SELENOI: variants seen among roughly 807,000 people sequenced by gnomAD.
SELENOI encodes selenoprotein I, also known as ethanolaminephosphotransferase 1.
SELENOI carries 24 observed loss-of-function variants against 50.7 expected under a neutral mutation model. That is an observed-to-expected ratio of 0.47 (90% CI 0.34 to 0.67). The LOEUF is 0.67. Among genes scored for constraint, SELENOI ranks in the 30% least tolerant of loss-of-function variants. SELENOI has a pLI of 0.01. For missense variants in SELENOI, 352 were observed against 461.4 expected (o/e 0.76, Z 2.17); for synonymous variants, 155 against 170.2 (o/e 0.91, Z 0.70).
intron 1 of SELENOI, among the ~76,000 whole-genome samples, chr2:26,354,547 C>T (rs920974487): frequency 6.6e-6 from 1 of 151,494 alleles, no homozygotes; most frequent in Non-Finnish European, 1.5e-5. Context: ...CCACCACGCC[C>T]GGCTAATTTT....
At chr2:26,365,604 T>G (rs1324771413) in intron 3 of SELENOI, among the ~76,000 whole-genome samples, 1 of 152,146 alleles carries the variant, frequency 6.6e-6, no homozygotes, top group Non-Finnish European at 1.5e-5. Flanking sequence ...AAGTTGGAGA[T>G]AGATGGGCAT....
chr2:26,392,770 T>C lies in SELENOI; in HGVS notation c.*3667T>C, dbSNP rs1156579345. 1 of 152,258 alleles carries C rather than the reference T, an allele frequency of 6.6e-6. No homozygotes were observed. Among genetic ancestry groups the C allele is most frequent in the East Asian group, 1.9e-4 (1 of 5,198 alleles). 9.4% of individuals were successfully genotyped at this position (152,258 alleles called of 1,614,324 possible). On this transcript the variant is annotated 3_prime_UTR_variant, in exon 10 of 10. Coordinates refer to ENST00000260585, the MANE Select transcript of SELENOI (RefSeq NM_033505.4). Reference sequence around the variant, plus strand: ...TGCCTGTGTTCAGAGTGGCCTTATCTTGACCTCAGTTCTGGATTTAAGTAC... The same window carrying C: ...TGCCTGTGTTCAGAGTGGCCTTATCCTGACCTCAGTTCTGGATTTAAGTAC...
chr2:26,381,198 C>CTTTTTTTTT lies in SELENOI; in HGVS notation c.683-2078_683-2070dup, dbSNP rs57102834. Among the ~76,000 whole-genome samples the CTTTTTTTTT allele has an allele frequency of 1.3e-3, 40 of 30,198 alleles. 3 individuals are homozygous for CTTTTTTTTT. Among genetic ancestry groups the CTTTTTTTTT allele is most frequent in the Admixed American group, 2.5e-3 (4 of 1,616 alleles). The allele number at this position is 30,198 out of a possible 152,430, so 19.8% of individuals were successfully genotyped here. On this transcript the variant is annotated intron_variant, in intron 6 of 9. Transcript: ENST00000260585. ...TGGATTGTATCTCCTTCAGTTTGGT[C>CTTTTTTTTT]TTTTTTTTTTTTTTTTTTTTTTTTT...
chr2:26,349,767 G>A (rs1676913964), intron 1 of SELENOI, among the ~76,000 whole-genome samples: 1 of 124,980 alleles, frequency 8.0e-6, no homozygotes, highest in South Asian at 2.8e-4. Flanking sequence ...GTATCATTTT[G>A]CCTAAGGGAG....
chr2:26,384,855 A>C (rs537047040), intron 7 of SELENOI, 104 bp from the exon 8 acceptor site: 2 of 721,128 alleles, frequency 2.8e-6, no homozygotes, highest in African/African-American at 1.8e-5. Flanking sequence ...GATTATTGTG[A>C]GTATAAAATA....
At chr2:26,371,125 C>A (rs1173436936) in intron 4 of SELENOI, among the ~76,000 whole-genome samples, 39 of 148,876 alleles carry the variant, frequency 2.6e-4, no homozygotes, top group Admixed American at 4.6e-4. Context: ...CACCTCCCTC[C>A]CGGACGGGGC....
At chr2:26,355,888 A>T (rs1242281146) in intron 1 of SELENOI, among the ~76,000 whole-genome samples, 1 of 151,394 alleles carries the variant, frequency 6.6e-6, no homozygotes, top group Non-Finnish European at 1.5e-5. Context: ...CTACAGTCAT[A>T]CGCCACCACA....
chr2:26,383,965 C>T (rs1677784669), intron 7 of SELENOI, among the ~76,000 whole-genome samples: 1 of 152,158 alleles, frequency 6.6e-6, no homozygotes. Context: ...TTAAATAGCC[C>T]TTATATAGAA....
chr2:26,388,641 G>A (rs1399832762), intron 9 of SELENOI, among the ~76,000 whole-genome samples: 1 of 152,108 alleles, frequency 6.6e-6, no homozygotes, highest in Non-Finnish European at 1.5e-5. Context: ...TCGGGATTAG[G>A]AATGATTACT....
intron 1 of SELENOI, among the ~76,000 whole-genome samples, chr2:26,357,730 G>A (rs1677093411): frequency 6.6e-6 from 1 of 152,146 alleles, no homozygotes; most frequent in African/African-American, 2.4e-5. Flanking sequence ...TCCCTTTGTA[G>A]TATTTATCAC....
At chr2:26,356,342 C>T (rs1412543196) in intron 1 of SELENOI, among the ~76,000 whole-genome samples, 1 of 152,072 alleles carries the variant, frequency 6.6e-6, no homozygotes, top group African/African-American at 2.4e-5. Context: ...TAGAGCATTA[C>T]TTGGGGCAGT....
At chr2:26,385,279 C>T (rs1055999942) in intron 8 of SELENOI, 140 bp downstream of exon 8, 9 of 538,620 alleles carry the variant, frequency 1.7e-5, no homozygotes, top group Non-Finnish European at 2.3e-5. Context: ...AGAATAGTAA[C>T]CTCAAAGACT....
At chr2:26,355,255 A>C (rs1333833228) in intron 1 of SELENOI, among the ~76,000 whole-genome samples, 1 of 152,248 alleles carries the variant, frequency 6.6e-6, no homozygotes, top group East Asian at 1.9e-4. Context: ...AACTATTTTC[A>C]GATAGGAAGT....
chr2:26,388,393 T>C (rs1677892789), intron 9 of SELENOI, among the ~76,000 whole-genome samples: 1 of 152,220 alleles, frequency 6.6e-6, no homozygotes, highest in Non-Finnish European at 1.5e-5. Flanking sequence ...GAAAACAATT[T>C]AGGATCATCT....
At chr2:26,350,547 C>T (rs1247021827) in intron 1 of SELENOI, among the ~76,000 whole-genome samples, 1 of 152,156 alleles carries the variant, frequency 6.6e-6, no homozygotes, top group African/African-American at 2.4e-5. Context: ...GTTTATTCAA[C>T]AAGCATTTAT....
chr2:26,373,530 C>T lies in SELENOI; in HGVS notation c.474C>T (p.Leu158=), dbSNP rs1367591212. ...STGVSVFVLY[L]LLWVVLFSFI... Reference sequence around the variant, plus strand: ...GTGTCAGTGTTTTTGTTCTTTATCTCCTGCTATGGGTAGTTTTGTTTTCTT... The same window carrying T: ...GTGTCAGTGTTTTTGTTCTTTATCTTCTGCTATGGGTAGTTTTGTTTTCTT... The change falls in exon 5 of 10, where the codon CTC becomes CTT. Residue 158 remains leucine, a synonymous_variant. Coordinates refer to ENST00000260585, the MANE Select transcript of SELENOI (RefSeq NM_033505.4). 1 of 1,613,854 alleles carries T rather than the reference C, an allele frequency of 6.2e-7. No individual in the cohort carries two copies. Among genetic ancestry groups the T allele is most frequent in the East Asian group, 2.2e-5 (1 of 44,884 alleles).
At chr2:26,374,946 G>A in intron 5 of SELENOI, 94 bp from the exon 6 acceptor site, 2 of 814,376 alleles carry the variant, frequency 2.5e-6, no homozygotes, top group Non-Finnish European at 4.1e-6. Context: ...TACTAAAACT[G>A]TTTGACTTGA....
At chr2:26,384,898 A>G in intron 7 of SELENOI, 61 bp from the exon 8 acceptor site, 1 of 1,245,508 alleles carries the variant, frequency 8.0e-7, no homozygotes. Flanking sequence ...AAACTACAGT[A>G]CAAGTACTGT....
At chr2:26,370,560 C>G (rs1401049148) in intron 4 of SELENOI, among the ~76,000 whole-genome samples, 2 of 94,484 alleles carry the variant, frequency 2.1e-5, no homozygotes, top group Non-Finnish European at 4.8e-5. Context: ...CAGTAGGGGC[C>G]ACCGGGCAGA....
Sources: gnomAD v4.1 joint callset for allele counts (sites outside exome capture counted in the v4.1 genomes callset) on GRCh38, gnomAD v4.1.1 for gene constraint, MANE v1.5 for transcripts, NCBI Gene and HGNC (gene_info 2026-07-23, HGNC 2026-07-21) for gene names.